The following PRKN variants were observed in gnomAD, a reference collection of about 807,000 sequenced individuals.
PRKN encodes the protein parkin RBR E3 ubiquitin protein ligase.
In PRKN, 56 loss-of-function variants were observed where a neutral mutation model predicts 59.5. The observed-to-expected ratio is 0.94, with a 90% CI of 0.76 to 1.18. The LOEUF (loss-of-function observed/expected upper bound fraction) is 1.18, where lower values mean the gene tolerates loss of function less well. Ranked by LOEUF, PRKN falls within the 50% of genes most tolerant of loss-of-function variation. The pLI is 0.00. For missense variants in PRKN, 657 were observed against 596.4 expected (o/e 1.10, Z -1.06); for synonymous variants, 250 against 222.1 (o/e 1.13, Z -1.12).
chr6:161,403,361 C>G (rs192363251), intron 9 of PRKN, among the ~76,000 whole-genome samples: 6 of 152,298 alleles, frequency 3.9e-5, no homozygotes, highest in Middle Eastern at 3.4e-3. Context: ...TAACAATGAT[C>G]TAACTCCTTA....
chr6:162,629,187 C>T (rs1783008402), intron 1 of PRKN, among the ~76,000 whole-genome samples: 1 of 152,022 alleles, frequency 6.6e-6, no homozygotes, highest in Admixed American at 6.6e-5. Flanking sequence ...TGTTGAGATA[C>T]TTACAAATTA....
intron 1 of PRKN, among the ~76,000 whole-genome samples, chr6:162,704,012 G>A (rs1778250831): frequency 6.6e-6 from 1 of 152,170 alleles, no homozygotes; most frequent in Admixed American, 6.6e-5. Flanking sequence ...TTGTAATTAA[G>A]CGCCTTAGCT....
chr6:161,600,358 T>G (rs1782063383), intron 7 of PRKN, among the ~76,000 whole-genome samples: 1 of 152,222 alleles, frequency 6.6e-6, no homozygotes, highest in Admixed American at 6.5e-5. Flanking sequence ...TGCATCCTCC[T>G]GTTCAAATCC....
intron 2 of PRKN, among the ~76,000 whole-genome samples, chr6:162,401,698 T>C (rs935100961): frequency 1.3e-5 from 2 of 151,808 alleles, no homozygotes; most frequent in Non-Finnish European, 2.9e-5. Flanking sequence ...TTCAAACTAA[T>C]ATAAGGAAAG....
intron 1 of PRKN, among the ~76,000 whole-genome samples, chr6:162,725,787 A>T (rs918428230): frequency 2.7e-5 from 4 of 147,628 alleles, no homozygotes; most frequent in African/African-American, 1.0e-4. Flanking sequence ...AAAAAAAAAA[A>T]GACGTGTGTC....
chr6:161,874,976 T>TTAAGCCATATACTTTA (rs1794651283), intron 6 of PRKN, among the ~76,000 whole-genome samples: 1 of 103,684 alleles, frequency 9.6e-6, no homozygotes, highest in Non-Finnish European at 1.7e-5. Flanking sequence ...ATATAATTTA[T>TTAAGCCATATACTTTA]TATATTATAT....
chr6:162,540,510 T>G (rs1344483960), intron 1 of PRKN, among the ~76,000 whole-genome samples: 1 of 152,116 alleles, frequency 6.6e-6, no homozygotes, highest in African/African-American at 2.4e-5. Context: ...GTTAAAATTA[T>G]AAGAGTATAT....
chr6:161,386,881 C>A lies in PRKN; in HGVS notation c.1084-4G>T. 1 of 1,611,928 alleles carries A rather than the reference C, an allele frequency of 6.2e-7. No homozygotes were observed. Among genetic ancestry groups the A allele is most frequent in the East Asian group, 2.2e-5 (1 of 44,874 alleles). ...TACATTCCCGGCAGAAGGCAAACTG[C>A]AAAAGAACACACATCCATTAATTAG... On this transcript the variant is annotated splice_polypyrimidine_tract_variant and splice_region_variant and intron_variant, in intron 9 of 11. Coordinates refer to ENST00000366898, the MANE Select transcript of PRKN (RefSeq NM_004562.3). This position sits in a 1 kb window ranked among gnomAD's most constrained non-coding sequence, Gnocchi z 4.3.
chr6:162,055,531 G>C (rs758695118), intron 4 of PRKN, among the ~76,000 whole-genome samples: 1 of 152,164 alleles, frequency 6.6e-6, no homozygotes. Context: ...GGAGCAGTGA[G>C]GTGGCCACGG....
At chr6:161,943,052 A>C (rs1779623509) in intron 6 of PRKN, among the ~76,000 whole-genome samples, 1 of 152,242 alleles carries the variant, frequency 6.6e-6, no homozygotes, top group Non-Finnish European at 1.5e-5. Context: ...GAGTCAGCTA[A>C]AATGATATCA....
intron 6 of PRKN, among the ~76,000 whole-genome samples, chr6:161,929,948 G>A (rs572463168): frequency 2.0e-5 from 3 of 152,318 alleles, no homozygotes; most frequent in South Asian, 4.1e-4. Context: ...AAACAAGGAA[G>A]GTGTTCCCTT....
rs115040243 is a variant in PRKN at position 161,888,241 on chromosome 6, A to C, written c.734+85061T>G. ...TTTGGGGGTATTATTTTTGCTCATT[A>C]ACTCCCTCCAATATCAGCATATGAC... is the stretch of plus-strand genomic sequence containing the variant. On this transcript the variant is annotated intron_variant, in intron 6 of 11. Coordinates refer to ENST00000366898, the MANE Select transcript of PRKN (RefSeq NM_004562.3). Among the ~76,000 whole-genome samples the C allele has an allele frequency of 6.9e-3, 1,056 of 152,218 alleles. 10 individuals are homozygous for C. Among genetic ancestry groups the C allele is most frequent in the African/African-American group, 0.024 (1,002 of 41,508 alleles).
At chr6:161,577,575 C>T (rs1781178810) in intron 7 of PRKN, among the ~76,000 whole-genome samples, 1 of 152,156 alleles carries the variant, frequency 6.6e-6, no homozygotes, top group Non-Finnish European at 1.5e-5. Flanking sequence ...AATTTTGATG[C>T]TTTCAGAATA....
intron 11 of PRKN, among the ~76,000 whole-genome samples, chr6:161,351,198 A>C (rs1213842858): frequency 7.1e-6 from 1 of 140,862 alleles, no homozygotes; most frequent in Non-Finnish European, 1.5e-5. Flanking sequence ...TTGATGATAT[A>C]ACCTAATATA....
chr6:162,670,227 C>T (rs993273359), intron 1 of PRKN, among the ~76,000 whole-genome samples: 1 of 152,174 alleles, frequency 6.6e-6, no homozygotes, highest in African/African-American at 2.4e-5. Flanking sequence ...ACAGCAACAG[C>T]CCTGCAGTCA....
At chr6:161,850,584 A>AAAAAAG (rs1562336253) in intron 6 of PRKN, among the ~76,000 whole-genome samples, 3 of 151,832 alleles carry the variant, frequency 2.0e-5, no homozygotes, top group African/African-American at 7.3e-5. Flanking sequence ...CAAAAAAAAA[A>AAAAAAG]AAAAAAAAAA....
At chr6:161,509,387 C>CA (rs1562494308) in intron 9 of PRKN, among the ~76,000 whole-genome samples, 1 of 151,712 alleles carries the variant, frequency 6.6e-6, no homozygotes, top group African/African-American at 2.4e-5. Context: ...GGCAAAGCCT[C>CA]GAAAAAGAGA....
At chr6:162,475,577 G>A (rs1791964535) in intron 1 of PRKN, among the ~76,000 whole-genome samples, 1 of 108,580 alleles carries the variant, frequency 9.2e-6, no homozygotes, top group East Asian at 2.7e-4. Flanking sequence ...GAGTGTGTGT[G>A]TGCATGAGTG....
chr6:161,516,494 GA>G (rs1353176341), intron 9 of PRKN, among the ~76,000 whole-genome samples: 7 of 35,988 alleles, frequency 1.9e-4, no homozygotes, highest in South Asian at 3.0e-3. Context: ...AAAAAAAAAA[GA>G]AGAAGAAGAA....
Sources: gnomAD v4.1 joint callset for allele counts (sites outside exome capture counted in the v4.1 genomes callset) on GRCh38, gnomAD v4.1.1 for gene constraint, Gnocchi (gnomAD v3.1) non-coding constraint, MANE v1.5 for transcripts, NCBI Gene and HGNC (gene_info 2026-07-23, HGNC 2026-07-21) for gene names.